The following SLC25A21 variants were observed in gnomAD, a reference collection of about 807,000 sequenced individuals.
SLC25A21 encodes the protein solute carrier family 25 member 21, also known as mitochondrial 2-oxodicarboxylate carrier.
SLC25A21 carries 47 observed loss-of-function variants against 43.8 expected under a neutral mutation model. The observed-to-expected ratio is 1.07, with a 90% CI of 0.85 to 1.37. The LOEUF (loss-of-function observed/expected upper bound fraction) is 1.37. Among genes scored for constraint, SLC25A21 ranks in the 40% most tolerant of loss-of-function variants. The probability of loss-of-function intolerance (pLI) is 0.00; values close to 1 mark genes in which losing one functional copy is unlikely to be tolerated. For synonymous variants in SLC25A21, 131 were observed against 121.3 expected (o/e 1.08, Z -0.52); for missense variants, 352 against 350.2 (o/e 1.00, Z -0.04).
intron 3 of SLC25A21, among the ~76,000 whole-genome samples, chr14:36,758,705 G>A (rs1886028129): frequency 6.6e-6 from 1 of 152,024 alleles, no homozygotes; most frequent in African/African-American, 2.4e-5. Flanking sequence ...TTTCAGTTGA[G>A]AAGAGAAATG....
chr14:36,899,706 G>A (rs753012205), intron 1 of SLC25A21, among the ~76,000 whole-genome samples: 1 of 152,186 alleles, frequency 6.6e-6, no homozygotes, highest in Non-Finnish European at 1.5e-5. Context: ...ATTAAAATGA[G>A]CAGAATCTAA....
chr14:36,981,031 T>C (rs1320455722), intron 1 of SLC25A21, among the ~76,000 whole-genome samples: 1 of 151,908 alleles, frequency 6.6e-6, no homozygotes, highest in Non-Finnish European at 1.5e-5. Flanking sequence ...GCAAAGTATA[T>C]GAACAGACAC....
intron 3 of SLC25A21, among the ~76,000 whole-genome samples, chr14:36,794,641 T>C (rs1887612820): frequency 6.6e-6 from 1 of 151,952 alleles, no homozygotes; most frequent in Non-Finnish European, 1.5e-5. Flanking sequence ...GGGTGGCGCA[T>C]GCCTGTAATA....
chr14:36,750,951 GA>G (rs778302005), intron 3 of SLC25A21, among the ~76,000 whole-genome samples: 3 of 152,120 alleles, frequency 2.0e-5, no homozygotes, highest in Non-Finnish European at 4.4e-5. Flanking sequence ...CTGAGACCAG[GA>G]AGCTACAAAT....
At chr14:36,754,745 G>A (rs369225066) in intron 3 of SLC25A21, among the ~76,000 whole-genome samples, 1 of 146,150 alleles carries the variant, frequency 6.8e-6, no homozygotes. Context: ...GAAAAAAAAA[G>A]AGATAAAAGT....
chr14:36,936,096 A>G (rs1024430019), intron 1 of SLC25A21, among the ~76,000 whole-genome samples: 27 of 152,206 alleles, frequency 1.8e-4, no homozygotes, highest in African/African-American at 6.3e-4. Flanking sequence ...CAACAATCAC[A>G]GAAGTTGAGA....
chr14:37,149,812 T>C lies in SLC25A21; in HGVS notation c.70+22469A>G, dbSNP rs544923860. On this transcript the variant is annotated intron_variant, in intron 1 of 9. Transcript: ENST00000331299. ...ACTATCTTGAAATCCCTTAGCTGTA[T>C]ACATTTCTCATTAAGAGAGAAAAAA... Among the ~76,000 whole-genome samples, 3 of 152,208 alleles carry C rather than the reference T, an allele frequency of 2.0e-5. No individual in the cohort carries two copies. In the South Asian group the frequency reaches 6.2e-4, roughly 32 times the overall value.
intron 3 of SLC25A21, among the ~76,000 whole-genome samples, chr14:36,748,723 A>G (rs1485073378): frequency 6.6e-6 from 1 of 152,160 alleles, no homozygotes; most frequent in African/African-American, 2.4e-5. Context: ...ATCGGGTCCT[A>G]TGACTTTAGT....
intron 1 of SLC25A21, among the ~76,000 whole-genome samples, chr14:37,043,558 T>C (rs1294517217): frequency 6.6e-6 from 1 of 152,182 alleles, no homozygotes; most frequent in African/African-American, 2.4e-5. Flanking sequence ...CTTTGCTTAC[T>C]TGCATTTTAT....
chr14:36,821,662 C>T (rs553006522), intron 2 of SLC25A21, among the ~76,000 whole-genome samples: 12 of 151,992 alleles, frequency 7.9e-5, no homozygotes, highest in South Asian at 2.1e-4. Flanking sequence ...ACTAAAAATA[C>T]GAAAATTAGC....
At chr14:37,127,319 T>C (rs1224860013) in intron 1 of SLC25A21, among the ~76,000 whole-genome samples, 1 of 152,082 alleles carries the variant, frequency 6.6e-6, no homozygotes, top group African/African-American at 2.4e-5. Flanking sequence ...GATGTCTCAC[T>C]CCAAACACCA....
intron 7 of SLC25A21, among the ~76,000 whole-genome samples, chr14:36,707,070 C>T (rs1030139710): frequency 4.6e-5 from 7 of 152,190 alleles, no homozygotes; most frequent in Non-Finnish European, 2.9e-5. Flanking sequence ...GCTTCCATCA[C>T]TTGGGCTGTT....
chr14:37,034,675 G>C (rs17106029), intron 1 of SLC25A21, among the ~76,000 whole-genome samples: 1 of 152,042 alleles, frequency 6.6e-6, no homozygotes, highest in African/African-American at 2.4e-5. Flanking sequence ...CTCACTCTTC[G>C]CCTCCACAGC....
rs1343622857 is a variant in SLC25A21 at position 36,680,633 on chromosome 14, A to AG, written c.*24dup. Reference sequence around the variant, plus strand: ...TGCATAGCAAATATCCATTATCTCAAGGGGGAAAAACACTTCATAGGCAAT... The same window carrying AG: ...TGCATAGCAAATATCCATTATCTCAAGGGGGGAAAAACACTTCATAGGCAAT... On this transcript the variant is annotated 3_prime_UTR_variant, in exon 10 of 10. Transcript: ENST00000331299. The AG allele has an allele frequency of 1.2e-6, 2 of 1,609,624 alleles. No individual in the cohort carries two copies. The highest frequency in any genetic ancestry group is 1.3e-5 in the African/African-American group (1 of 74,832).
intron 1 of SLC25A21, among the ~76,000 whole-genome samples, chr14:36,971,514 C>T (rs1264329327): frequency 6.6e-6 from 1 of 152,060 alleles, no homozygotes; most frequent in Non-Finnish European, 1.5e-5. Context: ...AAATATCAGA[C>T]CTGGTCAAGC....
chr14:37,042,112 A>T (rs896317179), intron 1 of SLC25A21, among the ~76,000 whole-genome samples: 1 of 152,202 alleles, frequency 6.6e-6, no homozygotes, highest in Non-Finnish European at 1.5e-5. Context: ...TACTTGCCAT[A>T]GAAAAACAGA....
chr14:36,915,506 G>A (rs1175130533), intron 1 of SLC25A21, among the ~76,000 whole-genome samples: 3 of 148,696 alleles, frequency 2.0e-5, no homozygotes, highest in Non-Finnish European at 2.9e-5. Context: ...AAATAATACT[G>A]TCCATCTTGT....
intron 1 of SLC25A21, among the ~76,000 whole-genome samples, chr14:37,143,014 G>T (rs960911491): frequency 6.6e-6 from 1 of 152,162 alleles, no homozygotes; most frequent in African/African-American, 2.4e-5. Flanking sequence ...GGTAGTGACA[G>T]AATAACCACA....
rs556495059 is a variant in SLC25A21 at position 36,856,203 on chromosome 14, T to C, written c.119+18753A>G. Among the ~76,000 whole-genome samples the C allele has an allele frequency of 3.9e-5, 6 of 152,276 alleles. No individual in the cohort carries two copies. In the East Asian group the frequency reaches 9.7e-4, roughly 25 times the overall value. ...AATCCTCGCTCCTGAGGCAGGAATG[T>C]TTACTGATTGGTGACTGACTCTGTT... On this transcript the variant is annotated intron_variant, in intron 2 of 9. Coordinates refer to ENST00000331299, the MANE Select transcript of SLC25A21 (RefSeq NM_030631.4).
Sources: gnomAD v4.1 joint callset for allele counts (sites outside exome capture counted in the v4.1 genomes callset) on GRCh38, gnomAD v4.1.1 for gene constraint, MANE v1.5 for transcripts, NCBI Gene and HGNC (gene_info 2026-07-23, HGNC 2026-07-21) for gene names.